The following ADAMTSL1 variants were observed in gnomAD, a reference collection of about 807,000 sequenced individuals.
The protein encoded by ADAMTSL1 is ADAMTS-like protein 1.
Under a neutral mutation model 201.8 loss-of-function variants are expected in ADAMTSL1, and 126 were observed. The observed-to-expected ratio is 0.62, with a 90% CI of 0.54 to 0.72. The LOEUF (loss-of-function observed/expected upper bound fraction) is 0.72, where lower values mean the gene tolerates loss of function less well. ADAMTSL1 is among the 30% of genes least tolerant of loss of function. The probability of loss-of-function intolerance (pLI) is 0.00; values close to 1 mark genes in which losing one functional copy is unlikely to be tolerated. For synonymous variants in ADAMTSL1, 1,121 were observed against 903.4 expected (o/e 1.24, Z -4.32); for missense variants, 2,679 against 2,277.8 (o/e 1.18, Z -3.59).
chr9:18,308,891 A>G (rs1834010536), intron 2 of ADAMTSL1, among the ~76,000 whole-genome samples: 1 of 152,186 alleles, frequency 6.6e-6, no homozygotes, highest in African/African-American at 2.4e-5. Context: ...AAAAAAGAAA[A>G]TATCAGGCCA....
intron 1 of ADAMTSL1, among the ~76,000 whole-genome samples, chr9:18,028,227 G>C (rs1418922876): frequency 6.6e-6 from 1 of 152,024 alleles, no homozygotes; most frequent in Non-Finnish European, 1.5e-5. Context: ...AATCTTGACT[G>C]TGTAGTTGCT....
Position 18,680,357 on chromosome 9 carries a change from G to C in ADAMTSL1, c.1182G>C (p.Gly394=), listed in dbSNP as rs1171379078. Residue 394 remains glycine (G), a synonymous_variant, in exon 11 of 29, where the codon GGG becomes GGC. Transcript: ENST00000380548. ...PWTACSSSCG[G]GIQSRAVSCV... ...CCGCGTGCTCCTCCTCGTGTGGGGG[G>C]GGCATCCAGAGCCGGGCAGTTTCCT... 6.2e-7 allele frequency: 1 copy of C among 1,614,128 alleles called. No individual in the cohort carries two copies. Among genetic ancestry groups the C allele is most frequent in the Non-Finnish European group, 8.5e-7 (1 of 1,180,026 alleles).
chr9:18,735,748 C>CTTTTTT (rs71333066), intron 15 of ADAMTSL1, among the ~76,000 whole-genome samples: 12 of 106,666 alleles, frequency 1.1e-4, no homozygotes, highest in East Asian at 2.4e-4. Context: ...ATTCTTTTTT[C>CTTTTTT]TTTTTTTTTT....
intron 3 of ADAMTSL1, among the ~76,000 whole-genome samples, chr9:18,541,731 A>T (rs1820162055): frequency 6.6e-6 from 1 of 152,212 alleles, no homozygotes; most frequent in Non-Finnish European, 1.5e-5. Flanking sequence ...GCATATAAAA[A>T]TATCGTTCTA....
intron 1 of ADAMTSL1, among the ~76,000 whole-genome samples, chr9:18,067,064 C>G (rs1250770940): frequency 3.9e-5 from 6 of 152,000 alleles, no homozygotes; most frequent in African/African-American, 1.4e-4. Context: ...GTGCATCACA[C>G]CAGCATGGCA....
intron 3 of ADAMTSL1, among the ~76,000 whole-genome samples, chr9:18,570,582 A>G (rs1822232932): frequency 7.5e-6 from 1 of 132,580 alleles, no homozygotes; most frequent in Admixed American, 7.9e-5. Flanking sequence ...AAATCATCAA[A>G]ATGTTATTTT....
intron 2 of ADAMTSL1, among the ~76,000 whole-genome samples, chr9:18,217,250 C>G (rs1336346045): frequency 1.3e-5 from 2 of 152,196 alleles, no homozygotes; most frequent in African/African-American, 4.8e-5. Flanking sequence ...TATCATTATG[C>G]TGCTTATTCT....
intron 7 of ADAMTSL1, among the ~76,000 whole-genome samples, chr9:18,643,621 C>T (rs540817320): frequency 6.6e-6 from 1 of 151,948 alleles, no homozygotes; most frequent in Non-Finnish European, 1.5e-5. Context: ...TTTATTCTTC[C>T]ACATATGGAA....
intron 2 of ADAMTSL1, among the ~76,000 whole-genome samples, chr9:18,225,762 G>A (rs1174834507): frequency 1.3e-5 from 2 of 152,008 alleles, no homozygotes; most frequent in Non-Finnish European, 2.9e-5. Context: ...TTGCTCTTGG[G>A]CCGTTAAAAT....
intron 5 of ADAMTSL1, among the ~76,000 whole-genome samples, chr9:18,627,892 TC>T (rs1476501447): frequency 1.5e-4 from 23 of 152,210 alleles, no homozygotes; most frequent in African/African-American, 5.5e-4. Context: ...GCTTTGTTCA[TC>T]TTTTGCATAG....
At chr9:18,152,776 A>G (rs930066835) in intron 1 of ADAMTSL1, among the ~76,000 whole-genome samples, 5 of 151,836 alleles carry the variant, frequency 3.3e-5, no homozygotes, top group African/African-American at 1.2e-4. Flanking sequence ...CAAGAATGCA[A>G]AAAAAAAGAA....
intron 1 of ADAMTSL1, among the ~76,000 whole-genome samples, chr9:18,126,549 C>T (rs1825737165): frequency 6.6e-6 from 1 of 152,150 alleles, no homozygotes; most frequent in African/African-American, 2.4e-5. Flanking sequence ...GCAGAGTGTC[C>T]ACCACTTGTA....
intron 16 of ADAMTSL1, among the ~76,000 whole-genome samples, chr9:18,758,901 C>T (rs773343857): frequency 4.6e-5 from 7 of 152,124 alleles, no homozygotes; most frequent in African/African-American, 9.7e-5. Flanking sequence ...CTTCCACTAC[C>T]CTTTTGCCTC....
intron 1 of ADAMTSL1, among the ~76,000 whole-genome samples, chr9:17,922,373 T>C (rs1286516191): frequency 3.3e-5 from 5 of 152,150 alleles, no homozygotes; most frequent in Admixed American, 6.6e-5. Context: ...TTGTGCTATG[T>C]TGCATAATTC....
chr9:17,945,797 C>G (rs1219970672), intron 1 of ADAMTSL1, among the ~76,000 whole-genome samples: 3 of 119,852 alleles, frequency 2.5e-5, no homozygotes, highest in African/African-American at 1.0e-4. Context: ...GGGGGAACAT[C>G]ACACTCTGGG....
chr9:17,989,338 T>C (rs1819057562), intron 1 of ADAMTSL1, among the ~76,000 whole-genome samples: 1 of 151,962 alleles, frequency 6.6e-6, no homozygotes, highest in Non-Finnish European at 1.5e-5. Flanking sequence ...TCGGTGAGCT[T>C]TCTTTTTTCA....
intron 2 of ADAMTSL1, among the ~76,000 whole-genome samples, chr9:18,276,695 A>G (rs1358171512): frequency 6.6e-6 from 1 of 152,188 alleles, no homozygotes; most frequent in Non-Finnish European, 1.5e-5. Flanking sequence ...GAGGTGGTGT[A>G]TATCACATGA....
intron 15 of ADAMTSL1, among the ~76,000 whole-genome samples, chr9:18,737,456 C>G (rs1300238940): frequency 6.6e-6 from 1 of 151,946 alleles, no homozygotes; most frequent in Admixed American, 6.6e-5. Context: ...CTTGGGATTC[C>G]TTCACTTCTA....
intron 1 of ADAMTSL1, among the ~76,000 whole-genome samples, chr9:18,084,120 A>G (rs1200682231): frequency 6.6e-6 from 1 of 152,206 alleles, no homozygotes; most frequent in Non-Finnish European, 1.5e-5. Context: ...TTGCCATGCG[A>G]GAATCAATTT....
Sources: allele counts gnomAD v4.1 joint callset (sites outside exome capture counted in the v4.1 genomes callset), GRCh38; gene constraint gnomAD v4.1.1; transcripts MANE v1.5; gene names NCBI Gene and HGNC (gene_info 2026-07-23, HGNC 2026-07-21).